COQ3: variants seen among roughly 807,000 people sequenced by gnomAD.
The protein encoded by COQ3 is ubiquinone biosynthesis O-methyltransferase, mitochondrial.
Under a neutral mutation model 33.1 loss-of-function variants are expected in COQ3, and 29 were observed. The observed-to-expected ratio is 0.88, with a 90% CI of 0.65 to 1.19. The LOEUF is 1.19. COQ3 is among the 50% of genes most tolerant of loss of function. COQ3 has a pLI of 0.00. For synonymous variants in COQ3, 173 were observed against 157.8 expected, an observed-to-expected ratio of 1.10 and a Z score of -0.72; for missense variants, 437 against 430.7, an observed-to-expected ratio of 1.01 and a Z score of -0.13.
At chr6:99,384,041 C>T (rs2128472662) in intron 1 of COQ3, among the ~76,000 whole-genome samples, 1 of 152,022 alleles carries the variant, frequency 6.6e-6, no homozygotes, top group African/African-American at 2.4e-5. Flanking sequence ...GCGGGGACTA[C>T]AAGCGCAGGC....
At chr6:99,379,148 A>C (rs990423780) in intron 3 of COQ3, among the ~76,000 whole-genome samples, 25 of 151,944 alleles carry the variant, frequency 1.6e-4, no homozygotes, top group Non-Finnish European at 2.9e-5. Flanking sequence ...TATATCTCCT[A>C]ATGCTATCCC....
At chr6:99,381,010 CCAA>C in intron 2 of COQ3, among the ~76,000 whole-genome samples, 1 of 152,266 alleles carries the variant, frequency 6.6e-6, no homozygotes, top group South Asian at 2.1e-4. Flanking sequence ...CTTAATCCTT[CCAA>C]CAACTCTGCA....
At chr6:99,394,003 C>A in intron 1 of COQ3, 71 bp downstream of exon 1, 2 of 1,337,292 alleles carry the variant, frequency 1.5e-6, no homozygotes, top group East Asian at 2.3e-5. Context: ...CCGCCCCACC[C>A]CCGGCGCATG....
In COQ3 at chr6:99,376,014, C is replaced by T; in HGVS notation, c.655G>A (p.Val219Ile). The change falls in exon 5 of 7, where the codon GTT (valine) becomes ATT (isoleucine). Residue 219 changes from valine (V) to isoleucine (I), a missense_variant. Coordinates refer to ENST00000254759, the MANE Select transcript of COQ3 (RefSeq NM_017421.4). ...TGTTCTACAACTTCAGAAGCTACAA[C>T]AGCATCAAATGTTTCTGCAGTCTCT... ...VEETAETFDA[V>I]VASEVVEHVI... The T allele has an allele frequency of 6.2e-7, 1 of 1,614,002 alleles. No individual in the cohort carries two copies. The highest frequency in any genetic ancestry group is 8.5e-7 in the Non-Finnish European group (1 of 1,179,874).
In COQ3 at chr6:99,376,085, T is replaced by C. The variant is rs200286900; in HGVS notation, c.584A>G (p.Asp195Gly). The C allele has an allele frequency of 3.7e-6, 6 of 1,614,140 alleles. No individual in the cohort carries two copies. Among genetic ancestry groups the C allele is most frequent in the East Asian group, 2.2e-5 (1 of 44,878 alleles). ...ACACACTCTGTACTCTATTCTCTTA[T>C]CCAGGACTGGATCAAATGATTTATG... The part of the protein sequence containing the change: ...QCHKSFDPVL[D>G]KRIEYRVCSL... Residue 195 changes from aspartate to glycine, a missense_variant, in exon 5 of 7, where the codon GAT becomes GGT. Transcript: ENST00000254759.
chr6:99,384,387 G>A (rs1032597588), intron 1 of COQ3, among the ~76,000 whole-genome samples: 2 of 152,028 alleles, frequency 1.3e-5, no homozygotes, highest in Admixed American at 1.3e-4. Flanking sequence ...TGTTTATAAA[G>A]TTTTTCATGC....
At chr6:99,374,813 C>T (rs1774239136) in intron 5 of COQ3, among the ~76,000 whole-genome samples, 1 of 152,084 alleles carries the variant, frequency 6.6e-6, no homozygotes, top group African/African-American at 2.4e-5. Context: ...CCTGCCTTTC[C>T]TTCCTCATCT....
At chr6:99,381,301 C>A (rs1774466491) in intron 2 of COQ3, among the ~76,000 whole-genome samples, 1 of 152,068 alleles carries the variant, frequency 6.6e-6, no homozygotes, top group Non-Finnish European at 1.5e-5. Flanking sequence ...TGTTATTTTC[C>A]TGAATAAAAT....
chr6:99,385,005 G>A lies in COQ3; in HGVS notation c.107-1181C>T, dbSNP rs1470777738. On this transcript the variant is annotated intron_variant, in intron 1 of 6. Transcript: ENST00000254759. ...ATGTGCCTGTAATCCCAGCTACCCA[G>A]GAGGCTGAGGCAGGAGAATCACTGG... Among the ~76,000 whole-genome samples, 3 of 152,156 alleles carry A rather than the reference G, an allele frequency of 2.0e-5. No homozygotes were observed. In the East Asian group the frequency reaches 5.8e-4, roughly 29 times the overall value.
At chr6:99,372,884 A>G (rs1264957127) in intron 5 of COQ3, among the ~76,000 whole-genome samples, 1 of 152,216 alleles carries the variant, frequency 6.6e-6, no homozygotes, top group Non-Finnish European at 1.5e-5. Flanking sequence ...ACATATAGAA[A>G]GAAAGCGAGA....
chr6:99,369,619 T>G lies in COQ3; in HGVS notation c.1091A>C (p.His364Pro). 6.2e-7 allele frequency: 1 copy of G among 1,613,598 alleles called. No individual in the cohort carries two copies. Among genetic ancestry groups the G allele is most frequent in the South Asian group, 1.1e-5 (1 of 90,972 alleles). ...AACAATTCATTTCTTCAGCTTTTCA[T>G]GCACAGCTGGATTGGTGCAGGCATT... ...QANACTNPAV[H>P]EKLKK The change falls in exon 7 of 7, where the codon CAT (histidine) becomes CCT (proline). Residue 364 changes from histidine (H) to proline (P), a missense_variant. His to Pro is a moderately conservative substitution (Grantham distance 77). Transcript: ENST00000254759.
In COQ3 at chr6:99,369,640, G is replaced by T. The variant is rs759338830; in HGVS notation, c.1070C>A (p.Ala357Asp). ...KGETEELQAN[A>D]CTNPAVHEKL... ...TTCATGCACAGCTGGATTGGTGCAG[G>T]CATTAGCTTGGAGCTCTTCTGTTTC... The change falls in exon 7 of 7, where the codon GCC becomes GAC. Residue 357 changes from alanine to aspartate, a missense_variant. Physicochemically the swap from Ala to Asp is moderately radical, Grantham distance 126. Coordinates refer to ENST00000254759, the MANE Select transcript of COQ3 (RefSeq NM_017421.4). 1 of 1,614,040 alleles carries T rather than the reference G, an allele frequency of 6.2e-7. No individual in the cohort carries two copies. Among genetic ancestry groups the T allele is most frequent in the Non-Finnish European group, 8.5e-7 (1 of 1,179,950 alleles).
chr6:99,383,694 C>T lies in COQ3; in HGVS notation c.233+4G>A, dbSNP rs2128472567. On this transcript the variant is annotated splice_donor_region_variant and intron_variant, in intron 2 of 6. Coordinates refer to ENST00000254759, the MANE Select transcript of COQ3 (RefSeq NM_017421.4). ...AATATTTGCCACAGTAATAATAAACCCACCTGAAACTCTTTATTCTGTTCA... is the reference window on the plus strand; with the variant it reads ...AATATTTGCCACAGTAATAATAAACTCACCTGAAACTCTTTATTCTGTTCA... The T allele has an allele frequency of 1.3e-6, 2 of 1,559,542 alleles. No individual in the cohort carries two copies. The highest frequency in any genetic ancestry group is 2.1e-5 in the Admixed American group (1 of 47,674).
chr6:99,389,104 G>A (rs1174713270), intron 1 of COQ3, among the ~76,000 whole-genome samples: 2 of 151,952 alleles, frequency 1.3e-5, no homozygotes, highest in African/African-American at 2.4e-5. Flanking sequence ...TTCTCTCTGT[G>A]TGTTTGGGGT....
Position 99,371,541 on chromosome 6 carries a change from G to C in COQ3, c.776C>G (p.Ser259Cys), listed in dbSNP as rs1231616904. ...TGAAAAAACAATTCCCAAGGCATAG[G>C]AAAGTTGTGTTTTGTTGATTGTAGT... ...FITTINKTQL[S>C]YALGIVFSEQ... The change falls in exon 6 of 7, where the codon TCC becomes TGC. Residue 259 changes from serine (S) to cysteine (C), a missense_variant. Transcript: ENST00000254759. The C allele has an allele frequency of 6.2e-7, 1 of 1,607,032 alleles. No individual in the cohort carries two copies. The highest frequency in any genetic ancestry group is 8.5e-7 in the Non-Finnish European group (1 of 1,176,636).
intron 1 of COQ3, among the ~76,000 whole-genome samples, 184 bp downstream of exon 1, chr6:99,393,890 C>G (rs1774897145): frequency 6.6e-6 from 1 of 152,180 alleles, no homozygotes; most frequent in Admixed American, 6.5e-5. Context: ...TTTTCCCCGG[C>G]GTCCGCCAAC....
chr6:99,370,922 C>T (rs376993720), intron 6 of COQ3, among the ~76,000 whole-genome samples: 2 of 151,938 alleles, frequency 1.3e-5, no homozygotes, highest in African/African-American at 2.4e-5. Flanking sequence ...AAAAAGGAGA[C>T]ATAGTCTTGC....
At chr6:99,384,578 AC>A (rs1774563181) in intron 1 of COQ3, among the ~76,000 whole-genome samples, 1 of 152,194 alleles carries the variant, frequency 6.6e-6, no homozygotes, top group Non-Finnish European at 1.5e-5. Flanking sequence ...AATACCCTTT[AC>A]AGAGGAAAAA....
chr6:99,370,344 C>CTTTTTTTTTTT lies in COQ3; in HGVS notation c.890-535_890-525dup. Among the ~76,000 whole-genome samples the CTTTTTTTTTTT allele has an allele frequency of 4.1e-4, 41 of 101,208 alleles. 2 individuals carry two copies. Among genetic ancestry groups the CTTTTTTTTTTT allele is most frequent in the Non-Finnish European group, 4.4e-4 (24 of 54,770 alleles). 66.4% of individuals were successfully genotyped at this position (101,208 alleles called of 152,430 possible). Reference sequence around the variant, plus strand: ...TTCTTTCTTTCTTTTCTTTTCTTTACTTTTTTTTTTTTTTTTTTTTGTGAG... The same window carrying CTTTTTTTTTTT: ...TTCTTTCTTTCTTTTCTTTTCTTTACTTTTTTTTTTTTTTTTTTTTTTTTTTTTTTTGTGAG... On this transcript the variant is annotated intron_variant, in intron 6 of 6. Transcript: ENST00000254759.
Sources: gnomAD v4.1 joint callset for allele counts (sites outside exome capture counted in the v4.1 genomes callset) on GRCh38, gnomAD v4.1.1 for gene constraint, MANE v1.5 for transcripts, NCBI Gene and HGNC (gene_info 2026-07-23, HGNC 2026-07-21) for gene names.